The following ROS1 variants were observed in gnomAD, a reference collection of about 807,000 sequenced individuals.
ROS1 encodes the protein proto-oncogene tyrosine-protein kinase ROS.
A neutral mutation model predicts 273.5 loss-of-function variants in ROS1; 263 were observed. The ratio of observed to expected loss-of-function variants is 0.96; its 90% CI spans 0.87 to 1.06. The LOEUF is 1.06. ROS1 is among the 50% of genes least tolerant of loss of function. The pLI is 0.00. For missense variants in ROS1, 2,833 were observed against 2,751.1 expected, an observed-to-expected ratio of 1.03 and a Z score of -0.67; for synonymous variants, 1,008 against 954.1, an observed-to-expected ratio of 1.06 and a Z score of -1.04.
chr6:117,331,074 G>A (rs894345302), intron 32 of ROS1, among the ~76,000 whole-genome samples: 5 of 152,134 alleles, frequency 3.3e-5, no homozygotes, highest in African/African-American at 4.8e-5. Context: ...AACCCAATGC[G>A]AAGAAGCTAA....
Position 117,422,428 on chromosome 6 carries a change from T to C in ROS1, c.123+3106A>G, listed in dbSNP as rs180759334. Among the ~76,000 whole-genome samples the C allele has an allele frequency of 2.4e-4, 36 of 152,362 alleles. 1 individual carries two copies. The East Asian group carries it at 6.7e-3, about 29-fold the overall frequency. ...TTGGTTTGAATTGTCATCTTTATCA[T>C]ATTTCACATTCTTTATGTACATGGT... On this transcript the variant is annotated intron_variant, in intron 1 of 43. Transcript: ENST00000368507.
At chr6:117,292,888 C>A (rs1461969458) in intron 43 of ROS1, among the ~76,000 whole-genome samples, 1 of 152,192 alleles carries the variant, frequency 6.6e-6, no homozygotes, top group Admixed American at 6.5e-5. Context: ...TGTTACCATT[C>A]ATTAATTCAG....
chr6:117,350,026 G>A (rs957652316), intron 27 of ROS1, among the ~76,000 whole-genome samples: 1 of 151,516 alleles, frequency 6.6e-6, no homozygotes. Context: ...TTATCCATTA[G>A]GTCAGTTAAG....
chr6:117,412,179 A>G (rs1373167750), intron 4 of ROS1, among the ~76,000 whole-genome samples: 2 of 152,194 alleles, frequency 1.3e-5, no homozygotes, highest in Non-Finnish European at 2.9e-5. Flanking sequence ...TGGAGCTGGT[A>G]GACCTTTGTA....
At chr6:117,407,843 C>A (rs1369083502) in intron 5 of ROS1, among the ~76,000 whole-genome samples, 2 of 152,194 alleles carry the variant, frequency 1.3e-5, no homozygotes, top group East Asian at 3.8e-4. Flanking sequence ...ACCAAAACAG[C>A]ATGGTACTGG....
At chr6:117,380,007 G>A (rs1351671411) in intron 17 of ROS1, among the ~76,000 whole-genome samples, 1 of 152,124 alleles carries the variant, frequency 6.6e-6, no homozygotes, top group African/African-American at 2.4e-5. Context: ...CAGAATCCAT[G>A]AGATATGGCA....
chr6:117,311,222 T>G, intron 39 of ROS1, 105 bp from the exon 40 acceptor site: 1 of 514,358 alleles, frequency 1.9e-6, no homozygotes, highest in East Asian at 3.2e-5. Flanking sequence ...TATGCATGTA[T>G]GTATCTGATG....
At chr6:117,357,103 C>T (rs1779385011) in intron 25 of ROS1, among the ~76,000 whole-genome samples, 188 bp from the exon 26 acceptor site, 2 of 152,198 alleles carry the variant, frequency 1.3e-5, no homozygotes, top group African/African-American at 4.8e-5. Flanking sequence ...TAACTTGTAG[C>T]ATTTCCAATG....
chr6:117,292,605 C>A (rs77846800), intron 43 of ROS1, among the ~76,000 whole-genome samples: 1 of 152,150 alleles, frequency 6.6e-6, no homozygotes, highest in South Asian at 2.1e-4. Context: ...TAGTCTGCAC[C>A]CTGGACTTCA....
rs2128546205 is a variant in ROS1, at chr6:117,308,876, G to C, written c.6469C>G (p.Pro2157Ala). Residue 2157 changes from proline (P) to alanine (A), a missense_variant, in exon 42 of 44, where the codon CCA becomes GCA. Transcript: ENST00000368507. ...AACACATCAAGGTTGGAATGAGCTG[G>C]ATAAGGCTGATGACCAAGAGTTAAA... ...EILTLGHQPY[P>A]AHSNLDVLNY... 6.2e-7 allele frequency: 1 copy of C among 1,613,278 alleles called. No homozygotes were observed. Among genetic ancestry groups the C allele is most frequent in the Non-Finnish European group, 8.5e-7 (1 of 1,179,532 alleles).
chr6:117,409,115 A>C (rs1774676284), intron 5 of ROS1, among the ~76,000 whole-genome samples: 1 of 151,892 alleles, frequency 6.6e-6, no homozygotes, highest in Admixed American at 6.6e-5. Flanking sequence ...CCTAATGTTA[A>C]ATGATGAGTT....
At chr6:117,298,328 T>C (rs1304030955) in intron 43 of ROS1, among the ~76,000 whole-genome samples, 1 of 152,026 alleles carries the variant, frequency 6.6e-6, no homozygotes, top group Non-Finnish European at 1.5e-5. Context: ...TTGTACTCCA[T>C]AAATTTATTT....
chr6:117,365,997 A>G (rs2128661737), intron 19 of ROS1, 79 bp downstream of exon 19: 1 of 1,221,592 alleles, frequency 8.2e-7, no homozygotes, highest in Non-Finnish European at 1.2e-6. Context: ...AATTCTTAAG[A>G]AAAAAAAATA....
chr6:117,355,504 T>G (rs1243796951), intron 26 of ROS1, among the ~76,000 whole-genome samples: 3 of 152,252 alleles, frequency 2.0e-5, no homozygotes, highest in Non-Finnish European at 4.4e-5. Context: ...ATGAAAACGT[T>G]TTATACCTAC....
chr6:117,294,445 G>C (rs2128527233), intron 43 of ROS1, among the ~76,000 whole-genome samples: 1 of 152,166 alleles, frequency 6.6e-6, no homozygotes, highest in African/African-American at 2.4e-5. Flanking sequence ...AACTATCCTT[G>C]CATCCCAGGG....
At chr6:117,297,038 ACAGAATC>A (rs1774299719) in intron 43 of ROS1, among the ~76,000 whole-genome samples, 1 of 152,224 alleles carries the variant, frequency 6.6e-6, no homozygotes, top group Admixed American at 6.5e-5. Flanking sequence ...GTTTAATGGA[ACAGAATC>A]CAGAATCCAG....
rs767083171 is a variant in ROS1 at position 117,389,472 on chromosome 6, A to T, written c.1664T>A (p.Val555Asp). Residue 555 changes from valine to aspartate, a missense_variant, in exon 13 of 44, where the codon GTC (valine) becomes GAC (aspartate). Val to Asp is a radical substitution (Grantham distance 152). Transcript: ENST00000368507. ...CAGCTGGGAGGATGAGCCAAAGATG[A>T]CCAAGTTACCAAACCCAAATTCTTC... ...HIEEFGFGNL[V>D]IFGSSSQLHP... The T allele has an allele frequency of 1.2e-6, 2 of 1,614,176 alleles. No individual in the cohort carries two copies. Among genetic ancestry groups the T allele is most frequent in the Admixed American group, 1.7e-5 (1 of 60,008 alleles).
rs963461638 is a variant in ROS1 at position 117,366,588 on chromosome 6, G to A, written c.2583-298C>T. The stretch of plus-strand genomic sequence containing the variant: ...GAGTGCAGTGGCATGATCACAGTTC[G>A]CTGCAACCTCTGCCTTCCAGCTTCA... On this transcript the variant is annotated intron_variant, in intron 18 of 43. Transcript: ENST00000368507. Among the ~76,000 whole-genome samples the A allele has an allele frequency of 3.3e-5, 5 of 152,092 alleles. No homozygotes were observed. In the East Asian group the frequency reaches 9.7e-4, roughly 29 times the overall value.
intron 7 of ROS1, among the ~76,000 whole-genome samples, chr6:117,398,820 A>G (rs1280081180): frequency 6.6e-6 from 1 of 151,918 alleles, no homozygotes; most frequent in African/African-American, 2.4e-5. Context: ...TAAAACTACA[A>G]AAAGTAACCA....
Sources: allele counts gnomAD v4.1 joint callset (sites outside exome capture counted in the v4.1 genomes callset), GRCh38; gene constraint gnomAD v4.1.1; transcripts MANE v1.5; gene names NCBI Gene and HGNC (gene_info 2026-07-23, HGNC 2026-07-21).